VPS13B: variants seen among roughly 807,000 people sequenced by gnomAD.
VPS13B encodes the protein vacuolar protein sorting 13 homolog B.
Under a neutral mutation model 426.4 loss-of-function variants are expected in VPS13B, and 285 were observed. The ratio of observed to expected loss-of-function variants is 0.67; its 90% CI spans 0.61 to 0.74. The LOEUF is 0.74. Among genes scored for constraint, VPS13B ranks in the 30% least tolerant of loss-of-function variants. VPS13B has a pLI of 0.00. For synonymous variants in VPS13B, 1,676 were observed against 1,676.4 expected (o/e 1.00, Z 0.01); for missense variants, 4,537 against 4,782.6 (o/e 0.95, Z 1.51).
rs908762151 is a variant in VPS13B at position 99,687,248 on chromosome 8, C to T, written c.6047-12277C>T. ...TGGTATCCAAGCTGCAAGACAAAGT[C>T]CCCTTTACTCTCCCTCTCCTCTCCC... On this transcript the variant is annotated intron_variant, in intron 35 of 61. Coordinates refer to ENST00000357162, the MANE Select transcript of VPS13B (RefSeq NM_152564.5). 6.6e-5 allele frequency among the ~76,000 whole-genome samples: 10 copies of T among 152,030 alleles called. 1 individual carries two copies. The South Asian group carries it at 1.9e-3, about 28-fold the overall frequency.
intron 3 of VPS13B, among the ~76,000 whole-genome samples, chr8:99,084,901 G>A (rs960354539): frequency 1.3e-5 from 2 of 152,160 alleles, no homozygotes; most frequent in Non-Finnish European, 2.9e-5. Context: ...GAATAAGTGC[G>A]GCGTGGTGCT....
At chr8:99,313,033 A>T (rs1263722733) in intron 19 of VPS13B, among the ~76,000 whole-genome samples, 1 of 152,128 alleles carries the variant, frequency 6.6e-6, no homozygotes, top group Non-Finnish European at 1.5e-5. Flanking sequence ...TCATTTAAGG[A>T]CTTCTCTGCA....
chr8:99,333,839 A>G (rs1406034900), intron 19 of VPS13B, among the ~76,000 whole-genome samples: 1 of 152,006 alleles, frequency 6.6e-6, no homozygotes, highest in Non-Finnish European at 1.5e-5. Flanking sequence ...ACATGTATGT[A>G]TCAGTGTCTA....
intron 19 of VPS13B, among the ~76,000 whole-genome samples, chr8:99,367,901 A>G (rs1812977844): frequency 6.6e-6 from 1 of 151,934 alleles, no homozygotes; most frequent in African/African-American, 2.4e-5. Flanking sequence ...TGATACACCC[A>G]CCTTGGCCTC....
chr8:99,693,772 G>A lies in VPS13B; in HGVS notation c.6047-5753G>A, dbSNP rs1282006311. Among the ~76,000 whole-genome samples, 3 of 148,264 alleles carry A rather than the reference G, an allele frequency of 2.0e-5. No homozygotes were observed. The Admixed American group carries it at 2.0e-4, about 10-fold the overall frequency. On this transcript the variant is annotated intron_variant, in intron 35 of 61. Transcript: ENST00000357162. ...AGTCAAATTGTCCCTGTTTGCAGACGACATGATTGTTTATCTAGAAAACCC... is the reference window on the plus strand; with the variant it reads ...AGTCAAATTGTCCCTGTTTGCAGACAACATGATTGTTTATCTAGAAAACCC...
chr8:99,543,902 T>G (rs1341389299), intron 30 of VPS13B, among the ~76,000 whole-genome samples: 1 of 144,140 alleles, frequency 6.9e-6, no homozygotes, highest in Non-Finnish European at 1.5e-5. Flanking sequence ...GAAGTCAGTG[T>G]GGCGATTCCT....
rs912648157 is a variant in VPS13B, at chr8:99,221,233, G to C, written c.2515+28176G>C. On this transcript the variant is annotated intron_variant, in intron 17 of 61. Transcript: ENST00000357162. ...TTCCAAGTCTTTGCTATTGTGAATA[G>C]TGCCGCAATAAACATACGTGTGCAT... is the stretch of plus-strand genomic sequence containing the variant. 1.3e-4 allele frequency among the ~76,000 whole-genome samples: 18 copies of C among 143,292 alleles called. No homozygotes were observed. The East Asian group carries it at 3.5e-3, about 28-fold the overall frequency. The allele number at this position is 143,292 out of a possible 152,430, so 94.0% of individuals were successfully genotyped here.
intron 35 of VPS13B, among the ~76,000 whole-genome samples, chr8:99,669,080 G>A (rs1004094365): frequency 2.0e-5 from 3 of 152,076 alleles, no homozygotes; most frequent in Non-Finnish European, 4.4e-5. Context: ...AGCACAGTTA[G>A]CCTATAGAAA....
rs570087703 is a variant in VPS13B, at chr8:99,300,926, A to G, written c.2824+25672A>G. On this transcript the variant is annotated intron_variant, in intron 19 of 61. Coordinates refer to ENST00000357162, the MANE Select transcript of VPS13B (RefSeq NM_152564.5). ...GTAAACCAAGTTCTGCACACATAAT[A>G]AAAATATTAACTTTTGGCCCGGCAT... Among the ~76,000 whole-genome samples, 13 of 148,272 alleles carry G rather than the reference A, an allele frequency of 8.8e-5. No homozygotes were observed. In the South Asian group the frequency reaches 2.6e-3, roughly 29 times the overall value.
chr8:99,521,193 T>C (rs1822364720), intron 30 of VPS13B, among the ~76,000 whole-genome samples, 183 bp downstream of exon 30: 1 of 152,202 alleles, frequency 6.6e-6, no homozygotes, highest in African/African-American at 2.4e-5. Flanking sequence ...AAATCAAGTA[T>C]TTCTGTGAAG....
intron 43 of VPS13B, among the ~76,000 whole-genome samples, chr8:99,808,379 G>A (rs944600288): frequency 6.6e-6 from 1 of 151,778 alleles, no homozygotes; most frequent in South Asian, 2.1e-4. Context: ...TTAGCCAGTC[G>A]TGGTGGCACA....
At chr8:99,835,064 G>A (rs2130864962) in intron 52 of VPS13B, 133 bp from the exon 53 acceptor site, 3 of 1,054,200 alleles carry the variant, frequency 2.8e-6, no homozygotes, top group Non-Finnish European at 1.4e-6. Flanking sequence ...ATCAGAAAAG[G>A]AATCTCCCCT....
chr8:99,225,087 C>G (rs1225359787), intron 17 of VPS13B, among the ~76,000 whole-genome samples: 1 of 152,072 alleles, frequency 6.6e-6, no homozygotes, highest in Non-Finnish European at 1.5e-5. Flanking sequence ...GTCTTTTTAT[C>G]GTTGATCTTA....
chr8:99,546,877 C>T (rs1010678555), intron 30 of VPS13B, among the ~76,000 whole-genome samples: 4 of 152,096 alleles, frequency 2.6e-5, no homozygotes, highest in African/African-American at 9.6e-5. Context: ...GGAATTAGTA[C>T]TTGTTTACGT....
intron 61 of VPS13B, chr8:99,873,195 T>A (rs975462095): frequency 2.6e-5 from 4 of 152,200 alleles, no homozygotes; most frequent in Non-Finnish European, 4.4e-5. Flanking sequence ...GATCTTAAAC[T>A]ATTAAGACTG....
At chr8:99,733,701 G>C (rs1833694106) in intron 39 of VPS13B, among the ~76,000 whole-genome samples, 1 of 151,832 alleles carries the variant, frequency 6.6e-6, no homozygotes, top group Non-Finnish European at 1.5e-5. Flanking sequence ...ATTTATTTTT[G>C]TCAAGCACAC....
At chr8:99,767,878 G>A (rs1216885511) in intron 40 of VPS13B, among the ~76,000 whole-genome samples, 1 of 152,054 alleles carries the variant, frequency 6.6e-6, no homozygotes, top group Non-Finnish European at 1.5e-5. Flanking sequence ...GCAGTGAGCC[G>A]TGATCTCACC....
At chr8:99,499,376 C>A (rs1424724758) in intron 25 of VPS13B, among the ~76,000 whole-genome samples, 1 of 152,088 alleles carries the variant, frequency 6.6e-6, no homozygotes, top group Non-Finnish European at 1.5e-5. Context: ...AGCATTCTTA[C>A]CAAGTATACC....
In VPS13B at chr8:99,511,189, G is replaced by C; in HGVS notation, c.4310G>C (p.Arg1437Pro). Residue 1437 changes from arginine to proline, a missense_variant, in exon 29 of 62, where the codon CGC (arginine) becomes CCC (proline). Arg to Pro is a moderately radical substitution (Grantham distance 103, BLOSUM62 -2). Transcript: ENST00000357162. ...ACAAAAGCTGTAACAAAAAATGTCC[G>C]CCACAAGTTAACATCAAGAAATGAG... ...TYTKAVTKNV[R>P]HKLTSRNERR... The C allele has an allele frequency of 6.2e-7, 1 of 1,613,934 alleles. No individual in the cohort carries two copies. Among genetic ancestry groups the C allele is most frequent in the Non-Finnish European group, 8.5e-7 (1 of 1,179,968 alleles).
Sources: gnomAD v4.1 joint callset for allele counts (sites outside exome capture counted in the v4.1 genomes callset) on GRCh38, gnomAD v4.1.1 for gene constraint, MANE v1.5 for transcripts, NCBI Gene and HGNC (gene_info 2026-07-23, HGNC 2026-07-21) for gene names.